The following EXOC4 variants were observed in gnomAD, a reference collection of about 807,000 sequenced individuals.
EXOC4 encodes the protein SEC8-like 1.
A neutral mutation model predicts 107.2 loss-of-function variants in EXOC4; 71 were observed. That is an observed-to-expected ratio of 0.66 (90% CI 0.55 to 0.81). The LOEUF is 0.81. EXOC4 is among the 30% of genes least tolerant of loss of function. The probability of loss-of-function intolerance (pLI) is 0.00; values close to 1 mark genes in which losing one functional copy is unlikely to be tolerated. For synonymous variants in EXOC4, 456 were observed against 441.2 expected (o/e 1.03, Z -0.42); for missense variants, 1,108 against 1,189.6 (o/e 0.93, Z 1.01).
At chr7:133,517,704 C>CG (rs1016141160) in intron 9 of EXOC4, among the ~76,000 whole-genome samples, 3 of 151,736 alleles carry the variant, frequency 2.0e-5, no homozygotes, top group Non-Finnish European at 4.4e-5. Flanking sequence ...TCAATTACCC[C>CG]CCACTGGATT....
chr7:133,787,948 CATATATTT>C (rs1303023968), intron 10 of EXOC4, among the ~76,000 whole-genome samples: 739 of 22,022 alleles, frequency 0.034, 28 homozygotes, highest in East Asian at 0.099. Flanking sequence ...CTTCCCTGTG[CATATATTT>C]ATATATTTAT....
chr7:134,075,836 A>G, the EXOC4 span, among the ~76,000 whole-genome samples: 3 of 152,184 alleles, frequency 2.0e-5, no homozygotes, highest in African/African-American at 7.2e-5. Flanking sequence ...CTCTGTCACA[A>G]TGGCCAGCAA....
intron 9 of EXOC4, among the ~76,000 whole-genome samples, chr7:133,556,661 T>TA (rs1439036879): frequency 6.6e-6 from 1 of 152,194 alleles, no homozygotes; most frequent in Non-Finnish European, 1.5e-5. Flanking sequence ...CAGGGAATGT[T>TA]ACGATAGGAA....
In EXOC4 at chr7:133,572,577, C is replaced by T. The variant is rs184659507; in HGVS notation, c.1418-57468C>T. Among the ~76,000 whole-genome samples, 3 of 152,070 alleles carry T rather than the reference C, an allele frequency of 2.0e-5. No homozygotes were observed. The East Asian group carries it at 5.8e-4, about 29-fold the overall frequency. On this transcript the variant is annotated intron_variant, in intron 9 of 17. Coordinates refer to ENST00000253861, the MANE Select transcript of EXOC4 (RefSeq NM_021807.4). ...CTGTGTGTACAGGAAAGATTTCTAG[C>T]ATTTGAAAGGTTACAGCAGAATAAA...
chr7:133,550,205 T>C (rs1211625305), intron 9 of EXOC4, among the ~76,000 whole-genome samples: 2 of 152,140 alleles, frequency 1.3e-5, no homozygotes, highest in Non-Finnish European at 2.9e-5. Context: ...AAATGAGCCC[T>C]CTGAGAGCAG....
At chr7:133,480,385 G>A (rs1255302033) in intron 9 of EXOC4, 3 of 1,295,698 alleles carry the variant, frequency 2.3e-6, no homozygotes, top group Non-Finnish European at 3.0e-6. Context: ...GATGAGGCCA[G>A]GCTCGTCTTG....
At chr7:133,925,869 C>G (rs927607914) in intron 13 of EXOC4, among the ~76,000 whole-genome samples, 5 of 151,744 alleles carry the variant, frequency 3.3e-5, no homozygotes, top group Admixed American at 1.3e-4. Flanking sequence ...AACCCCGTCT[C>G]TACTAAAATA....
chr7:134,020,841 C>T (rs1228061378), intron 17 of EXOC4, among the ~76,000 whole-genome samples: 1 of 152,000 alleles, frequency 6.6e-6, no homozygotes. Context: ...CAAAAATTAG[C>T]CAGGCACGGT....
intron 13 of EXOC4, among the ~76,000 whole-genome samples, chr7:133,935,437 G>T (rs1800277474): frequency 6.6e-6 from 1 of 152,114 alleles, no homozygotes; most frequent in African/African-American, 2.4e-5. Context: ...CTTTTACCAA[G>T]AACGCATGGG....
chr7:133,809,765 A>C (rs929708762), intron 10 of EXOC4, among the ~76,000 whole-genome samples: 1 of 152,222 alleles, frequency 6.6e-6, no homozygotes, highest in African/African-American at 2.4e-5. Flanking sequence ...TGAAAAGTTT[A>C]TGTTGTATGA....
At chr7:133,373,998 G>C (rs1469140152) in intron 6 of EXOC4, among the ~76,000 whole-genome samples, 1 of 152,108 alleles carries the variant, frequency 6.6e-6, no homozygotes, top group Non-Finnish European at 1.5e-5. Context: ...TTCAGAGGAA[G>C]AAAAGATGAT....
At chr7:133,253,355 C>T in intron 1 of EXOC4, 168 bp downstream of exon 1, 3 of 1,405,806 alleles carry the variant, frequency 2.1e-6, no homozygotes, top group African/African-American at 1.5e-5. Flanking sequence ...GCAATTCCCC[C>T]TCCACCTTTT....
chr7:133,986,005 C>T (rs1161508750), intron 14 of EXOC4, among the ~76,000 whole-genome samples: 4 of 152,144 alleles, frequency 2.6e-5, no homozygotes, highest in Admixed American at 6.5e-5. Flanking sequence ...ATGATTGCTC[C>T]GTTATTGAGA....
intron 14 of EXOC4, among the ~76,000 whole-genome samples, chr7:133,961,593 A>G (rs1343928805): frequency 2.6e-5 from 4 of 152,138 alleles, no homozygotes; most frequent in Non-Finnish European, 4.4e-5. Flanking sequence ...GCCCAGCCTC[A>G]TATCCAACTT....
At position 133,895,511 on chromosome 7, in the gene EXOC4, T is replaced by C. The variant is rs938499240; in HGVS notation, c.1735-88T>C. The stretch of plus-strand genomic sequence containing the variant: ...TTCTTGCAGGAGAGCTCAGGTACCT[T>C]AAATTATGACATACTTGGAGTTGTC... On this transcript the variant is annotated intron_variant, in intron 11 of 17. Coordinates refer to ENST00000253861, the MANE Select transcript of EXOC4 (RefSeq NM_021807.4). The C allele has an allele frequency of 6.6e-6, 9 of 1,366,130 alleles. No homozygotes were observed. In the Admixed American group the frequency reaches 1.7e-4, roughly 25 times the overall value. 84.6% of individuals were successfully genotyped at this position (1,366,130 alleles called of 1,614,324 possible). A position where few individuals can be genotyped will look rare whatever the true frequency, so the allele number is the denominator to read the frequency against.
intron 7 of EXOC4, among the ~76,000 whole-genome samples, chr7:133,425,535 C>T (rs991051481): frequency 1.4e-4 from 22 of 152,152 alleles, no homozygotes; most frequent in Non-Finnish European, 2.5e-4. Context: ...AATCCACCCG[C>T]CTCAGCCTCC....
At chr7:133,721,319 C>T (rs1363154048) in intron 10 of EXOC4, among the ~76,000 whole-genome samples, 1 of 152,134 alleles carries the variant, frequency 6.6e-6, no homozygotes, top group Admixed American at 6.5e-5. Flanking sequence ...TGAGTGTTAC[C>T]TGTTTGAGAT....
chr7:133,921,647 A>G (rs1799939720), intron 13 of EXOC4, among the ~76,000 whole-genome samples: 2 of 152,042 alleles, frequency 1.3e-5, no homozygotes, highest in African/African-American at 4.8e-5. Flanking sequence ...TGAATATGAT[A>G]TGCCTAGGTG....
intron 9 of EXOC4, chr7:133,576,563 G>C (rs1222476110): frequency 1.6e-6 from 2 of 1,289,752 alleles, no homozygotes; most frequent in East Asian, 5.5e-5. Context: ...CAAAGGAGAG[G>C]ATCCCAATAA....
Sources: gnomAD v4.1 joint callset for allele counts (sites outside exome capture counted in the v4.1 genomes callset) on GRCh38, gnomAD v4.1.1 for gene constraint, MANE v1.5 for transcripts, NCBI Gene and HGNC (gene_info 2026-07-23, HGNC 2026-07-21) for gene names.